Variants in GFRA1 observed in about 807,000 individuals in gnomAD.
GFRA1 encodes the protein GDNF family receptor alpha 1.
A neutral mutation model predicts 51.6 loss-of-function variants in GFRA1; 16 were observed. The ratio of observed to expected loss-of-function variants is 0.31; its 90% confidence interval spans 0.21 to 0.47. The LOEUF (loss-of-function observed/expected upper bound fraction) is 0.47, where lower values mean the gene tolerates loss of function less well. GFRA1 is among the 20% of genes least tolerant of loss of function. The pLI is 1.00. For synonymous variants in GFRA1, 270 were observed against 241.3 expected (o/e 1.12, Z -1.10); for missense variants, 530 against 594.3 (o/e 0.89, Z 1.13).
At chr10:116,116,098 C>CT in intron 6 of GFRA1, among the ~76,000 whole-genome samples, 2 of 152,152 alleles carry the variant, frequency 1.3e-5, no homozygotes, top group East Asian at 3.9e-4. Flanking sequence ...CTCTCTCTCT[C>CT]TTTTTTCTTT....
intron 4 of GFRA1, among the ~76,000 whole-genome samples, chr10:116,234,883 T>G (rs1346046488): frequency 6.6e-6 from 1 of 152,182 alleles, no homozygotes; most frequent in Non-Finnish European, 1.5e-5. Flanking sequence ...CCTCATGCTA[T>G]TCTCATGATA....
rs367767303 is a variant in GFRA1, at chr10:116,226,418, C to T, written c.419-14773G>A. Among the ~76,000 whole-genome samples the T allele has an allele frequency of 1.4e-4, 22 of 152,298 alleles. No homozygotes were observed. In the East Asian group the frequency reaches 3.5e-3, roughly 24 times the overall value. Reference sequence around the variant, plus strand: ...GAGGCTGAGATGATAGACCACTATTCACAGAAAGGGAAGTTCTGCTAAAAG... The same window carrying T: ...GAGGCTGAGATGATAGACCACTATTTACAGAAAGGGAAGTTCTGCTAAAAG... On this transcript the variant is annotated intron_variant, in intron 4 of 10. Coordinates refer to ENST00000355422, the MANE Select transcript of GFRA1 (RefSeq NM_005264.8).
At chr10:116,229,157 A>C (rs1229311471) in intron 4 of GFRA1, among the ~76,000 whole-genome samples, 2 of 152,050 alleles carry the variant, frequency 1.3e-5, no homozygotes. Flanking sequence ...TACACTAATA[A>C]ATTTGTATTG....
At chr10:116,228,962 C>G (rs1966500721) in intron 4 of GFRA1, among the ~76,000 whole-genome samples, 1 of 109,536 alleles carries the variant, frequency 9.1e-6, no homozygotes, top group African/African-American at 3.6e-5. Context: ...GACTTGATGA[C>G]AGACCAATAC....
chr10:116,192,180 G>A (rs1327044537), intron 5 of GFRA1, among the ~76,000 whole-genome samples: 3 of 152,202 alleles, frequency 2.0e-5, no homozygotes, highest in Non-Finnish European at 4.4e-5. Flanking sequence ...CAATGCCCCA[G>A]CTTTGAATGG....
At chr10:116,242,336 A>G (rs1589903190) in intron 4 of GFRA1, among the ~76,000 whole-genome samples, 2 of 152,344 alleles carry the variant, frequency 1.3e-5, no homozygotes, top group Non-Finnish European at 2.9e-5. Flanking sequence ...GACCATAAGC[A>G]GAGATACTTC....
chr10:116,148,840 G>T (rs1479507848), intron 5 of GFRA1, among the ~76,000 whole-genome samples: 1 of 152,180 alleles, frequency 6.6e-6, no homozygotes, highest in Non-Finnish European at 1.5e-5. Context: ...AGAGCTGGCT[G>T]AACTAAAAAT....
chr10:116,072,832 C>T (rs1224944723), intron 9 of GFRA1, among the ~76,000 whole-genome samples: 1 of 152,106 alleles, frequency 6.6e-6, no homozygotes, highest in African/African-American at 2.4e-5. Flanking sequence ...GCTTTCCAAC[C>T]ATCATCCATG....
chr10:116,220,355 C>T (rs989445049), intron 4 of GFRA1, among the ~76,000 whole-genome samples: 1 of 152,192 alleles, frequency 6.6e-6, no homozygotes, highest in African/African-American at 2.4e-5. Context: ...TCAAATGATA[C>T]ATTTTATCAC....
At chr10:116,085,533 G>A (rs896702595) in intron 9 of GFRA1, among the ~76,000 whole-genome samples, 3 of 152,014 alleles carry the variant, frequency 2.0e-5, no homozygotes, top group Non-Finnish European at 4.4e-5. Context: ...CCTCCTCCCC[G>A]GCAAATGATA....
intron 4 of GFRA1, among the ~76,000 whole-genome samples, chr10:116,221,228 A>C (rs370532623): frequency 1.7e-3 from 258 of 152,296 alleles, no homozygotes; most frequent in African/African-American, 5.9e-3. Context: ...GGTTAACTAA[A>C]GCTGCCAAAG....
intron 5 of GFRA1, among the ~76,000 whole-genome samples, chr10:116,154,558 A>C (rs1312930337): frequency 6.6e-6 from 1 of 152,182 alleles, no homozygotes; most frequent in East Asian, 1.9e-4. Context: ...TTTGTGGGGA[A>C]AGTGACTAGA....
intron 6 of GFRA1, among the ~76,000 whole-genome samples, chr10:116,098,319 C>T (rs1341550956): frequency 6.6e-6 from 1 of 152,316 alleles, no homozygotes; most frequent in African/African-American, 2.4e-5. Flanking sequence ...AACCACGGTC[C>T]GTGCCTTGCT....
At chr10:116,080,005 G>GA (rs879342377) in intron 9 of GFRA1, among the ~76,000 whole-genome samples, 1 of 152,128 alleles carries the variant, frequency 6.6e-6, no homozygotes, top group Non-Finnish European at 1.5e-5. Context: ...AGCCTGCTGG[G>GA]AAAAAGGCCC....
chr10:116,119,176 G>T (rs1470994835), intron 6 of GFRA1, among the ~76,000 whole-genome samples: 1 of 152,156 alleles, frequency 6.6e-6, no homozygotes, highest in Non-Finnish European at 1.5e-5. Flanking sequence ...CAGCAGGAAG[G>T]TGCCCCTCCC....
At chr10:116,236,471 C>G (rs557770407) in intron 4 of GFRA1, among the ~76,000 whole-genome samples, 13 of 152,132 alleles carry the variant, frequency 8.5e-5, no homozygotes, top group African/African-American at 3.1e-4. Flanking sequence ...TGAATAAGAA[C>G]TAAATTAATA....
At chr10:116,132,923 C>G (rs1355378122) in intron 5 of GFRA1, among the ~76,000 whole-genome samples, 1 of 152,134 alleles carries the variant, frequency 6.6e-6, no homozygotes, top group Admixed American at 6.5e-5. Flanking sequence ...AGCGCCTTCT[C>G]GCCTGCGTGG....
chr10:116,178,301 G>A (rs28433023), intron 5 of GFRA1, among the ~76,000 whole-genome samples: 4 of 100,690 alleles, frequency 4.0e-5, no homozygotes, highest in East Asian at 3.6e-4. Flanking sequence ...CAAGGGGCCG[G>A]GGGGGCGTTT....
intron 4 of GFRA1, among the ~76,000 whole-genome samples, chr10:116,251,635 GAGTTTA>G (rs1796395352): frequency 1.3e-5 from 2 of 152,178 alleles, no homozygotes; most frequent in Admixed American, 6.5e-5. Flanking sequence ...AGCCTTCCAG[GAGTTTA>G]AACACTTCAG....
Sources: allele counts gnomAD v4.1 joint callset (sites outside exome capture counted in the v4.1 genomes callset), GRCh38; gene constraint gnomAD v4.1.1; transcripts MANE v1.5; gene names NCBI Gene and HGNC (gene_info 2026-07-23, HGNC 2026-07-21).